Variants in GRIA4 observed in about 807,000 individuals in gnomAD.
GRIA4 encodes glutamate receptor 4.
In GRIA4, 34 loss-of-function variants were observed where a neutral mutation model predicts 104.0. That is an observed-to-expected ratio of 0.33 (90% CI 0.25 to 0.44). The LOEUF is 0.44. GRIA4 is among the 20% of genes least tolerant of loss of function. GRIA4 has a pLI of 1.00. For synonymous variants in GRIA4, 386 were observed against 381.9 expected (o/e 1.01, Z -0.13); for missense variants, 750 against 1,096.5 (o/e 0.68, Z 4.46).
intron 10 of GRIA4, among the ~76,000 whole-genome samples, chr11:105,911,604 T>C (rs1947236882): frequency 6.6e-6 from 1 of 151,184 alleles, no homozygotes; most frequent in African/African-American, 2.4e-5. Flanking sequence ...GAGAGAAGCC[T>C]TCATATGTTG....
intron 3 of GRIA4, among the ~76,000 whole-genome samples, chr11:105,699,062 T>G (rs1394805416): frequency 3.3e-5 from 5 of 152,204 alleles, no homozygotes; most frequent in Non-Finnish European, 7.3e-5. Flanking sequence ...TTTCGTCAAG[T>G]GCTCATGTCT....
At chr11:105,976,538 G>A (rs529966499) in intron 16 of GRIA4, among the ~76,000 whole-genome samples, 22 of 151,990 alleles carry the variant, frequency 1.4e-4, no homozygotes, top group Non-Finnish European at 2.2e-4. Flanking sequence ...AGTGGCATTT[G>A]GGATAAATGA....
chr11:105,637,418 G>A (rs1241840767), intron 3 of GRIA4, among the ~76,000 whole-genome samples: 1 of 151,998 alleles, frequency 6.6e-6, no homozygotes, highest in African/African-American at 2.4e-5. Context: ...TGCACATTGT[G>A]TAAGATGAAT....
chr11:105,798,895 ACCT>A (rs1942602762), intron 4 of GRIA4, among the ~76,000 whole-genome samples: 2 of 151,870 alleles, frequency 1.3e-5, no homozygotes, highest in African/African-American at 4.8e-5. Context: ...TTATCATTAA[ACCT>A]CCTACTGAAC....
chr11:105,620,396 A>C (rs1186583510), intron 3 of GRIA4, among the ~76,000 whole-genome samples: 1 of 151,884 alleles, frequency 6.6e-6, no homozygotes, highest in African/African-American at 2.4e-5. Flanking sequence ...CTAAGACCTC[A>C]AAGTATCCAG....
intron 3 of GRIA4, chr11:105,707,472 A>C (rs1953745346): frequency 6.6e-6 from 1 of 152,236 alleles, no homozygotes. Flanking sequence ...GTTAAAATGA[A>C]TGAAAAGAAA....
chr11:105,714,589 C>G (rs945909704), intron 3 of GRIA4, among the ~76,000 whole-genome samples: 1 of 151,950 alleles, frequency 6.6e-6, no homozygotes, highest in African/African-American at 2.4e-5. Flanking sequence ...GTAATGGATT[C>G]ATTTCTAGTA....
intron 5 of GRIA4, among the ~76,000 whole-genome samples, chr11:105,881,865 G>T (rs1946075989): frequency 6.7e-6 from 1 of 149,760 alleles, no homozygotes. Context: ...GTTTTTTGGG[G>T]TCTGAAGTAC....
intron 7 of GRIA4, among the ~76,000 whole-genome samples, chr11:105,902,571 G>A (rs1946897865): frequency 6.6e-6 from 1 of 152,120 alleles, no homozygotes; most frequent in Non-Finnish European, 1.5e-5. Context: ...CTAGACTCAA[G>A]TGATCCACCC....
At chr11:105,893,497 T>C (rs1469721635) in intron 6 of GRIA4, among the ~76,000 whole-genome samples, 1 of 152,158 alleles carries the variant, frequency 6.6e-6, no homozygotes, top group East Asian at 1.9e-4. Flanking sequence ...TAGCTGAAAT[T>C]AACTGAGCCA....
chr11:105,802,303 G>C (rs949306055), intron 4 of GRIA4, among the ~76,000 whole-genome samples: 1 of 152,094 alleles, frequency 6.6e-6, no homozygotes, highest in Non-Finnish European at 1.5e-5. Context: ...TTGAAACAGA[G>C]CTTCCTCTAT....
At chr11:105,619,313 T>C (rs557802725) in intron 3 of GRIA4, among the ~76,000 whole-genome samples, 62 of 152,094 alleles carry the variant, frequency 4.1e-4, no homozygotes, top group Non-Finnish European at 6.2e-4. Context: ...TTATGAATAT[T>C]AGAAAATAAT....
At chr11:105,970,095 C>T (rs1420096370) in intron 14 of GRIA4, among the ~76,000 whole-genome samples, 1 of 152,030 alleles carries the variant, frequency 6.6e-6, no homozygotes, top group African/African-American at 2.4e-5. Flanking sequence ...ACTCACCCCA[C>T]CCTCAAATTC....
intron 3 of GRIA4, among the ~76,000 whole-genome samples, chr11:105,675,447 T>C (rs1194070554): frequency 6.6e-6 from 1 of 151,870 alleles, no homozygotes; most frequent in Non-Finnish European, 1.5e-5. Context: ...GTAAATTTAA[T>C]AAGCTAATTT....
At chr11:105,664,721 G>C (rs1952114181) in intron 3 of GRIA4, among the ~76,000 whole-genome samples, 1 of 151,938 alleles carries the variant, frequency 6.6e-6, no homozygotes, top group African/African-American at 2.4e-5. Flanking sequence ...CTTCAAAAGA[G>C]AAATCACTTT....
chr11:105,756,244 A>G (rs1467095843), intron 4 of GRIA4, among the ~76,000 whole-genome samples: 2 of 152,144 alleles, frequency 1.3e-5, no homozygotes. Flanking sequence ...CTGCTTTTTA[A>G]AAATGTCTTT....
chr11:105,843,118 GT>G (rs1303489663), intron 4 of GRIA4, among the ~76,000 whole-genome samples: 4 of 152,210 alleles, frequency 2.6e-5, no homozygotes, highest in African/African-American at 7.2e-5. Context: ...TTTTTCATTT[GT>G]TTGTTTTTAA....
intron 11 of GRIA4, among the ~76,000 whole-genome samples, chr11:105,922,405 A>C (rs540664366): frequency 6.6e-6 from 1 of 152,274 alleles, no homozygotes; most frequent in African/African-American, 2.4e-5. Context: ...AAGCATTAAA[A>C]AGATTATTAC....
At chr11:105,916,973 A>G (rs1026900939) in intron 10 of GRIA4, among the ~76,000 whole-genome samples, 7 of 152,234 alleles carry the variant, frequency 4.6e-5, no homozygotes, top group African/African-American at 1.7e-4. Flanking sequence ...AAGAGAAAAT[A>G]TAAGAATTAG....
Sources: allele counts gnomAD v4.1 joint callset (sites outside exome capture counted in the v4.1 genomes callset), GRCh38; gene constraint gnomAD v4.1.1; transcripts MANE v1.5; gene names NCBI Gene and HGNC (gene_info 2026-07-23, HGNC 2026-07-21).